The following HS6ST3 variants were observed in gnomAD, a reference collection of about 807,000 sequenced individuals.
HS6ST3 encodes heparan sulfate 6-O-sulfotransferase 3, also known as heparan-sulfate 6-O-sulfotransferase 3.
A neutral mutation model predicts 36.7 loss-of-function variants in HS6ST3; 12 were observed. That is an observed-to-expected ratio of 0.33 (90% CI 0.21 to 0.53). The LOEUF (loss-of-function observed/expected upper bound fraction) is 0.53, where lower values mean the gene tolerates loss of function less well. Ranked by LOEUF, HS6ST3 falls within the 20% of genes least tolerant of loss-of-function variation. The pLI, the probability that HS6ST3 is intolerant of heterozygous loss-of-function variation, is 0.95. For missense variants in HS6ST3, 584 were observed against 640.9 expected (o/e 0.91, Z 0.96); for synonymous variants, 240 against 257.5 (o/e 0.93, Z 0.65).
intron 1 of HS6ST3, among the ~76,000 whole-genome samples, chr13:96,564,300 C>G (rs769967302): frequency 8.5e-5 from 13 of 152,178 alleles, no homozygotes; most frequent in Non-Finnish European, 1.9e-4. Flanking sequence ...CACATACTTG[C>G]AACTCTTTTG....
intron 1 of HS6ST3, among the ~76,000 whole-genome samples, chr13:96,384,379 ATC>A (rs2055357045): frequency 6.6e-6 from 1 of 152,112 alleles, no homozygotes; most frequent in Admixed American, 6.6e-5. Flanking sequence ...CTTCTGTTAT[ATC>A]CAAGAATGTC....
chr13:96,404,897 A>C (rs2055469644), intron 1 of HS6ST3, among the ~76,000 whole-genome samples: 1 of 152,194 alleles, frequency 6.6e-6, no homozygotes, highest in Non-Finnish European at 1.5e-5. Context: ...TGATTGAATT[A>C]TGGGGGCGGA....
chr13:96,572,538 G>A (rs184058719), intron 1 of HS6ST3, among the ~76,000 whole-genome samples: 1 of 151,698 alleles, frequency 6.6e-6, no homozygotes, highest in Non-Finnish European at 1.5e-5. Context: ...GTATTTTAGT[G>A]GTTGCTTTTT....
At chr13:96,775,877 ATGAG>A (rs1238617808) in intron 1 of HS6ST3, among the ~76,000 whole-genome samples, 1 of 152,122 alleles carries the variant, frequency 6.6e-6, no homozygotes, top group Non-Finnish European at 1.5e-5. Flanking sequence ...CCAAAATCAA[ATGAG>A]TATACATTCT....
At chr13:96,304,712 T>TTTCTTTCTC (rs1491569207) in intron 1 of HS6ST3, among the ~76,000 whole-genome samples, 1 of 68,432 alleles carries the variant, frequency 1.5e-5, no homozygotes, top group East Asian at 3.8e-4. Context: ...TCTTTCTTTC[T>TTTCTTTCTC]TTTTTTTTTT....
intron 1 of HS6ST3, among the ~76,000 whole-genome samples, chr13:96,782,924 G>C (rs548601942): frequency 6.6e-6 from 1 of 152,046 alleles, no homozygotes; most frequent in East Asian, 1.9e-4. Context: ...ATGAGCAGCC[G>C]TTATCTGTGG....
Position 96,090,731 on chromosome 13 carries a change from T to A in HS6ST3, c.-132T>A, listed in dbSNP as rs969609792. On this transcript the variant is annotated 5_prime_UTR_variant, in exon 1 of 2. Transcript: ENST00000376705. Reference sequence around the variant, plus strand: ...CGGGGCCGCCAGCCAGCCACACGCCTCGGCGTCAGGGGCATGGAGGAACGG... The same window carrying A: ...CGGGGCCGCCAGCCAGCCACACGCCACGGCGTCAGGGGCATGGAGGAACGG... The A allele has an allele frequency of 3.8e-5, 21 of 549,838 alleles. No individual in the cohort carries two copies. Among genetic ancestry groups the A allele is most frequent in the Middle Eastern group, 1.3e-3 (2 of 1,546 alleles). The allele number at this position is 549,838 out of a possible 1,614,324, so 34.1% of individuals were successfully genotyped here.
At chr13:96,447,750 C>A (rs1394687427) in intron 1 of HS6ST3, among the ~76,000 whole-genome samples, 1 of 152,208 alleles carries the variant, frequency 6.6e-6, no homozygotes, top group African/African-American at 2.4e-5. Flanking sequence ...CTATGCAAAT[C>A]AGACCACCTC....
intron 1 of HS6ST3, among the ~76,000 whole-genome samples, chr13:96,562,825 AAC>A (rs2056267152): frequency 6.6e-6 from 1 of 152,080 alleles, no homozygotes; most frequent in Admixed American, 6.6e-5. Flanking sequence ...CCCTCCATGG[AAC>A]AGTCAGGGAT....
chr13:96,369,114 T>G (rs1017391166), intron 1 of HS6ST3, among the ~76,000 whole-genome samples: 2 of 152,038 alleles, frequency 1.3e-5, no homozygotes, highest in East Asian at 3.9e-4. Flanking sequence ...GGAGGTTGCG[T>G]ACCGATAATC....
chr13:96,310,250 T>C (rs1432238391), intron 1 of HS6ST3, among the ~76,000 whole-genome samples: 3 of 152,180 alleles, frequency 2.0e-5, no homozygotes, highest in African/African-American at 7.2e-5. Flanking sequence ...TACACAGATA[T>C]ATGTATATAG....
chr13:96,152,587 T>TC (rs2054091710), intron 1 of HS6ST3, among the ~76,000 whole-genome samples: 1 of 152,166 alleles, frequency 6.6e-6, no homozygotes, highest in Admixed American at 6.5e-5. Context: ...TCCGCCCGCC[T>TC]TGACCTCCCA....
chr13:96,710,773 G>T (rs1875543732), intron 1 of HS6ST3, among the ~76,000 whole-genome samples: 1 of 152,222 alleles, frequency 6.6e-6, no homozygotes, highest in Non-Finnish European at 1.5e-5. Context: ...CAGGCACATT[G>T]TTGCTCTTGG....
intron 1 of HS6ST3, among the ~76,000 whole-genome samples, chr13:96,803,730 T>G (rs1313851792): frequency 1.3e-5 from 2 of 152,134 alleles, no homozygotes; most frequent in Admixed American, 6.6e-5. Flanking sequence ...GCAAAAGGTT[T>G]CGTGTTGGGG....
At chr13:96,525,192 C>T (rs571556336) in intron 1 of HS6ST3, among the ~76,000 whole-genome samples, 2 of 152,298 alleles carry the variant, frequency 1.3e-5, no homozygotes, top group East Asian at 1.9e-4. Context: ...CCTTGACCTT[C>T]AACCTCTCTC....
At chr13:96,499,207 G>A (rs2055992085) in intron 1 of HS6ST3, among the ~76,000 whole-genome samples, 1 of 151,910 alleles carries the variant, frequency 6.6e-6, no homozygotes, top group Non-Finnish European at 1.5e-5. Flanking sequence ...TATATTTTTA[G>A]CAGAGACAGG....
intron 1 of HS6ST3, among the ~76,000 whole-genome samples, chr13:96,165,321 T>C (rs1046983536): frequency 1.9e-4 from 29 of 152,164 alleles, no homozygotes; most frequent in Non-Finnish European, 7.4e-5. Context: ...AGAAGCCCCA[T>C]GGCTTCCCCT....
intron 1 of HS6ST3, 85 bp downstream of exon 1, chr13:96,091,654 C>G: frequency 6.9e-7 from 1 of 1,447,122 alleles, no homozygotes; most frequent in Non-Finnish European, 9.1e-7. Flanking sequence ...CCCCGCGCTC[C>G]CTGCCCCTGC....
chr13:96,734,362 G>A (rs147503294), intron 1 of HS6ST3, among the ~76,000 whole-genome samples: 2,155 of 152,364 alleles, frequency 0.014, 20 homozygotes, highest in Admixed American at 0.022. Context: ...ATGTCTAGCA[G>A]TGAGGTATGG....
Sources: allele counts gnomAD v4.1 joint callset (sites outside exome capture counted in the v4.1 genomes callset), GRCh38; gene constraint gnomAD v4.1.1; transcripts MANE v1.5; gene names NCBI Gene and HGNC (gene_info 2026-07-23, HGNC 2026-07-21).